The following TTC39B variants were observed in gnomAD, a reference collection of about 807,000 sequenced individuals.
The protein encoded by TTC39B is tetratricopeptide repeat domain 39B, also known as tetratricopeptide repeat protein 39B.
TTC39B carries 92 observed loss-of-function variants against 96.6 expected under a neutral mutation model. The observed-to-expected ratio is 0.95, with a 90% CI of 0.80 to 1.13. TTC39B has a LOEUF of 1.13. TTC39B is among the 50% of genes most tolerant of loss of function. TTC39B has a pLI of 0.00. For missense variants in TTC39B, 955 were observed against 809.3 expected (o/e 1.18, Z -2.18); for synonymous variants, 367 against 299.4 (o/e 1.23, Z -2.33).
intron 2 of TTC39B, among the ~76,000 whole-genome samples, chr9:15,229,783 G>A (rs1390964589): frequency 6.6e-6 from 1 of 152,054 alleles, no homozygotes; most frequent in Non-Finnish European, 1.5e-5. Flanking sequence ...TTATTATCAT[G>A]GCTTTCCGAG....
chr9:15,181,578 G>A (rs1192018012), intron 17 of TTC39B, among the ~76,000 whole-genome samples: 1 of 152,162 alleles, frequency 6.6e-6, no homozygotes, highest in East Asian at 1.9e-4. Flanking sequence ...CACATCAGCT[G>A]CTTCCGGTAA....
chr9:15,214,269 C>T lies in TTC39B; in HGVS notation c.372-20G>A. The T allele has an allele frequency of 6.3e-7, 1 of 1,586,366 alleles. No homozygotes were observed. The highest frequency in any genetic ancestry group is 8.6e-7 in the Non-Finnish European group (1 of 1,156,404). ...GATGAACTAAAGATCAAGAAAAAAGCACAGAGAATTTCTATAGCTTTACGA... is the reference window on the plus strand; with the variant it reads ...GATGAACTAAAGATCAAGAAAAAAGTACAGAGAATTTCTATAGCTTTACGA... On this transcript the variant is annotated intron_variant, in intron 3 of 19. Coordinates refer to ENST00000512701, the Ensembl canonical transcript of TTC39B.
exon 14 of TTC39B, chr9:15,188,071 A>T: frequency 6.2e-7 from 1 of 1,611,784 alleles, no homozygotes; most frequent in Non-Finnish European, 8.5e-7. Flanking sequence ...CCAGTAGCAG[A>T]GATGGTGAAA....
intron 6 of TTC39B, among the ~76,000 whole-genome samples, chr9:15,205,403 C>T (rs1192167708): frequency 6.6e-6 from 1 of 152,120 alleles, no homozygotes; most frequent in African/African-American, 2.4e-5. Context: ...CCCCACCCTA[C>T]ACACACATAC....
At chr9:15,266,562 T>C (rs1045994013) in intron 2 of TTC39B, among the ~76,000 whole-genome samples, 3 of 152,200 alleles carry the variant, frequency 2.0e-5, no homozygotes, top group Non-Finnish European at 4.4e-5. Context: ...TGTGACAGTT[T>C]AAACCACTTT....
At chr9:15,174,090 T>C (rs765918988) in intron 19 of TTC39B, among the ~76,000 whole-genome samples, 5 of 152,192 alleles carry the variant, frequency 3.3e-5, no homozygotes, top group Non-Finnish European at 7.3e-5. Flanking sequence ...CCCAAGGAAA[T>C]ATTTCAGAAT....
At chr9:15,250,799 G>A (rs897252918) in intron 2 of TTC39B, among the ~76,000 whole-genome samples, 5 of 152,230 alleles carry the variant, frequency 3.3e-5, no homozygotes, top group Admixed American at 6.5e-5. Flanking sequence ...TGGGGAATAA[G>A]GTGGTCGTTG....
At chr9:15,253,691 C>T (rs2131514150) in intron 2 of TTC39B, among the ~76,000 whole-genome samples, 1 of 152,092 alleles carries the variant, frequency 6.6e-6, no homozygotes, top group South Asian at 2.1e-4. Flanking sequence ...CTTTCTGGGT[C>T]TGTTTGCAGT....
chr9:15,178,441 T>C (rs368172063), intron 17 of TTC39B, among the ~76,000 whole-genome samples: 110 of 152,216 alleles, frequency 7.2e-4, no homozygotes, highest in Middle Eastern at 3.4e-3. Flanking sequence ...CTGGGCATGA[T>C]GGCACATGCC....
chr9:15,182,246 G>T, intron 17 of TTC39B, 61 bp downstream of exon 17: 1 of 1,064,768 alleles, frequency 9.4e-7, no homozygotes, highest in Non-Finnish European at 1.4e-6. Context: ...ACAGGGAAAA[G>T]ACAGGAGAGC....
intron 3 of TTC39B, among the ~76,000 whole-genome samples, chr9:15,218,645 T>C (rs575226779): frequency 2.1e-4 from 31 of 145,184 alleles, no homozygotes; most frequent in Non-Finnish European, 3.4e-4. Context: ...AATATATATA[T>C]ATAATGAACA....
rs775935899 is a variant in TTC39B, at chr9:15,199,933, T to G, written c.760-8A>C. On this transcript the variant is annotated splice_polypyrimidine_tract_variant and splice_region_variant and intron_variant, in intron 7 of 19. Coordinates refer to ENST00000512701, the Ensembl canonical transcript of TTC39B. ...GTTGATCATATTTTCATCCTGAAAA[T>G]AATTCAGTTAAAAAATTAGATTATT... is the stretch of plus-strand genomic sequence containing the variant. 5 of 1,516,496 alleles carry G rather than the reference T, an allele frequency of 3.3e-6. No individual in the cohort carries two copies. Among genetic ancestry groups the G allele is most frequent in the Non-Finnish European group, 4.5e-6 (5 of 1,105,378 alleles). 93.9% of individuals were successfully genotyped at this position (1,516,496 alleles called of 1,614,324 possible).
intron 16 of TTC39B, 21 bp downstream of exon 16, chr9:15,185,259 A>G (rs200109444): frequency 2.1e-5 from 33 of 1,593,840 alleles, no homozygotes; most frequent in Non-Finnish European, 2.8e-5. Context: ...TAGTACATGA[A>G]AAGAAAATAA....
chr9:15,288,790 G>A lies in TTC39B; in HGVS notation c.240+18294C>T, dbSNP rs143506922. Reference sequence around the variant, plus strand: ...CAGACACCCACCCCTGGATGCTGCCGTGAGGCCGGAGCCCAGGGGCACTTG... The same window carrying A: ...CAGACACCCACCCCTGGATGCTGCCATGAGGCCGGAGCCCAGGGGCACTTG... On this transcript the variant is annotated intron_variant, in intron 1 of 19. Transcript: ENST00000512701. Among the ~76,000 whole-genome samples, 260 of 152,346 alleles carry A rather than the reference G, an allele frequency of 1.7e-3. 1 individual carries two copies. Among genetic ancestry groups the A allele is most frequent in the African/African-American group, 5.1e-3 (211 of 41,590 alleles).
intron 8 of TTC39B, among the ~76,000 whole-genome samples, chr9:15,199,252 T>G (rs1024391678): frequency 6.6e-6 from 1 of 152,196 alleles, no homozygotes; most frequent in African/African-American, 2.4e-5. Context: ...CCAAAGATAT[T>G]ACTATAATTT....
chr9:15,290,951 C>T (rs1338976188), intron 1 of TTC39B, among the ~76,000 whole-genome samples: 7 of 152,128 alleles, frequency 4.6e-5, no homozygotes, highest in Non-Finnish European at 7.4e-5. Context: ...TTGGGTTATA[C>T]GTAAAAGGAG....
intron 2 of TTC39B, among the ~76,000 whole-genome samples, chr9:15,235,023 C>CAATAAATAAATAAATAAATAAATAAATA (rs57091203): frequency 2.8e-5 from 4 of 145,054 alleles, no homozygotes; most frequent in African/African-American, 7.7e-5. Context: ...CAAGAATGAT[C>CAATAAATAAATAAATAAATAAATAAATA]AATAAATAAA....
intron 17 of TTC39B, 55 bp from the exon 18 acceptor site, chr9:15,177,869 C>CTTTT (rs371656816): frequency 3.6e-5 from 17 of 466,450 alleles, no homozygotes; most frequent in Admixed American, 1.2e-4. Context: ...TTTTTAAGAT[C>CTTTT]TTTTTTTTTT....
At chr9:15,241,919 T>C (rs532711926) in intron 2 of TTC39B, among the ~76,000 whole-genome samples, 10 of 152,154 alleles carry the variant, frequency 6.6e-5, no homozygotes, top group African/African-American at 2.2e-4. Context: ...CTAATTTTTG[T>C]ATTTTTAGTA....
Sources: gnomAD v4.1 joint callset for allele counts (sites outside exome capture counted in the v4.1 genomes callset) on GRCh38, gnomAD v4.1.1 for gene constraint, MANE v1.5 for transcripts, NCBI Gene and HGNC (gene_info 2026-07-23, HGNC 2026-07-21) for gene names.